NEGR1: variants seen among roughly 807,000 people sequenced by gnomAD.
NEGR1 encodes IgLON family member 4.
Under a neutral mutation model 40.9 loss-of-function variants are expected in NEGR1, and 10 were observed. The ratio of observed to expected loss-of-function variants is 0.24; its 90% CI spans 0.15 to 0.42. NEGR1 has a LOEUF of 0.42. NEGR1 is among the 10% of genes least tolerant of loss of function. NEGR1 has a pLI of 1.00. For synonymous variants in NEGR1, 185 were observed against 166.8 expected (o/e 1.11, Z -0.84); for missense variants, 352 against 438.9 (o/e 0.80, Z 1.77).
At chr1:71,437,147 T>A (rs1000756315) in intron 6 of NEGR1, among the ~76,000 whole-genome samples, 2 of 152,126 alleles carry the variant, frequency 1.3e-5, no homozygotes, top group Non-Finnish European at 2.9e-5. Flanking sequence ...TATATTTACT[T>A]GAATATAATT....
intron 1 of NEGR1, among the ~76,000 whole-genome samples, chr1:72,166,288 T>C (rs1268603211): frequency 2.6e-5 from 4 of 151,924 alleles, no homozygotes; most frequent in Non-Finnish European, 4.4e-5. Context: ...AAGATAAGTG[T>C]TGGTGAGGAT....
intron 1 of NEGR1, among the ~76,000 whole-genome samples, chr1:72,035,096 C>T (rs189168664): frequency 3.7e-4 from 57 of 152,186 alleles, no homozygotes; most frequent in African/African-American, 1.1e-3. Context: ...AGTCTTTTCT[C>T]GGCTATATAA....
chr1:71,562,195 A>C (rs1291163411), intron 6 of NEGR1, among the ~76,000 whole-genome samples: 2 of 151,826 alleles, frequency 1.3e-5, no homozygotes, highest in Non-Finnish European at 2.9e-5. Context: ...AAATAATAAT[A>C]ATAAGAGACA....
chr1:72,205,890 C>T (rs1456099498), intron 1 of NEGR1, among the ~76,000 whole-genome samples: 2 of 149,574 alleles, frequency 1.3e-5, no homozygotes, highest in African/African-American at 4.9e-5. Context: ...CTGCAATGAG[C>T]CAAGATTACA....
At chr1:71,504,267 A>T (rs2101405586) in intron 6 of NEGR1, among the ~76,000 whole-genome samples, 1 of 152,130 alleles carries the variant, frequency 6.6e-6, no homozygotes, top group East Asian at 1.9e-4. Context: ...CTGATGGAGG[A>T]ATTACTGAAG....
chr1:71,633,301 T>G (rs530001309), intron 4 of NEGR1, among the ~76,000 whole-genome samples: 3 of 152,250 alleles, frequency 2.0e-5, no homozygotes, highest in Admixed American at 2.0e-4. Context: ...CTTCAGTAAT[T>G]ATATATTACA....
intron 4 of NEGR1, 89 bp downstream of exon 4, chr1:71,697,918 TA>T: frequency 7.6e-7 from 1 of 1,324,382 alleles, no homozygotes; most frequent in Non-Finnish European, 1.0e-6. Context: ...GACAACCTCT[TA>T]AAAACAGCAA....
At chr1:72,224,461 G>A (rs1321624910) in intron 1 of NEGR1, among the ~76,000 whole-genome samples, 1 of 152,052 alleles carries the variant, frequency 6.6e-6, no homozygotes, top group African/African-American at 2.4e-5. Flanking sequence ...CCATGCACAA[G>A]ACACACAAAT....
chr1:72,272,851 G>A (rs1455214729), intron 1 of NEGR1, among the ~76,000 whole-genome samples: 6 of 151,956 alleles, frequency 3.9e-5, no homozygotes, highest in African/African-American at 7.2e-5. Context: ...CCTAAATTGA[G>A]TAAATTACCA....
chr1:72,188,820 TAGTA>T (rs1652707861), intron 1 of NEGR1, among the ~76,000 whole-genome samples: 1 of 151,552 alleles, frequency 6.6e-6, no homozygotes. Context: ...ATTTAAACAA[TAGTA>T]AGGCCATCAA....
intron 3 of NEGR1, among the ~76,000 whole-genome samples, chr1:71,713,360 G>A (rs181084521): frequency 6.6e-6 from 1 of 152,110 alleles, no homozygotes; most frequent in Admixed American, 6.5e-5. Context: ...TAAATTAGTT[G>A]TTTATAGAAT....
chr1:71,850,981 T>C (rs898531686), intron 2 of NEGR1, among the ~76,000 whole-genome samples: 1 of 152,154 alleles, frequency 6.6e-6, no homozygotes, highest in African/African-American at 2.4e-5. Flanking sequence ...TGTGCCAGAC[T>C]ACCTGTATTT....
chr1:71,957,975 A>G (rs1207417749), intron 1 of NEGR1, among the ~76,000 whole-genome samples: 1 of 152,142 alleles, frequency 6.6e-6, no homozygotes, highest in African/African-American at 2.4e-5. Context: ...GTTGCCTGAA[A>G]TGTCCTCATT....
chr1:72,211,956 A>G (rs1453703539), intron 1 of NEGR1, among the ~76,000 whole-genome samples: 1 of 151,936 alleles, frequency 6.6e-6, no homozygotes, highest in African/African-American at 2.4e-5. Context: ...CAAAGTGGTA[A>G]ATGAACCAGA....
At chr1:71,463,027 T>C (rs949165523) in intron 6 of NEGR1, among the ~76,000 whole-genome samples, 3 of 152,142 alleles carry the variant, frequency 2.0e-5, no homozygotes, top group African/African-American at 7.2e-5. Flanking sequence ...TCAGCAAATA[T>C]TTATAGAATG....
intron 1 of NEGR1, among the ~76,000 whole-genome samples, chr1:72,159,700 A>G (rs1254956243): frequency 5.3e-5 from 8 of 152,100 alleles, no homozygotes; most frequent in African/African-American, 1.9e-4. Context: ...TTTGAATATA[A>G]TTTACTTGCT....
intron 3 of NEGR1, among the ~76,000 whole-genome samples, chr1:71,734,405 G>A (rs1483786374): frequency 6.6e-6 from 1 of 152,140 alleles, no homozygotes; most frequent in Non-Finnish European, 1.5e-5. Flanking sequence ...AGAATTGTTG[G>A]AAGGCTATTG....
At chr1:71,875,985 A>AT (rs1660418009) in intron 2 of NEGR1, among the ~76,000 whole-genome samples, 2 of 151,846 alleles carry the variant, frequency 1.3e-5, no homozygotes, top group Non-Finnish European at 2.9e-5. Flanking sequence ...TCCAAACGTT[A>AT]TTTTTCTTAT....
At chr1:71,983,479 G>A (rs1646370514) in intron 1 of NEGR1, among the ~76,000 whole-genome samples, 1 of 152,102 alleles carries the variant, frequency 6.6e-6, no homozygotes, top group African/African-American at 2.4e-5. Context: ...ATAATGGAAG[G>A]AGATACTTCC....
Sources: allele counts gnomAD v4.1 joint callset (sites outside exome capture counted in the v4.1 genomes callset), GRCh38; gene constraint gnomAD v4.1.1; transcripts MANE v1.5; gene names NCBI Gene and HGNC (gene_info 2026-07-23, HGNC 2026-07-21).